The following ZBTB20 variants were observed in gnomAD, a reference collection of about 807,000 sequenced individuals.
ZBTB20 encodes the protein zinc finger and BTB domain containing 20.
In ZBTB20, 9 loss-of-function variants were observed where a neutral mutation model predicts 56.9. The ratio of observed to expected loss-of-function variants is 0.16; its 90% CI spans 0.10 to 0.28. The LOEUF (loss-of-function observed/expected upper bound fraction) is 0.28. ZBTB20 is among the 10% of genes least tolerant of loss of function. ZBTB20 has a pLI of 1.00. For synonymous variants in ZBTB20, 417 were observed against 420.7 expected, an observed-to-expected ratio of 0.99 and a Z score of 0.11; for missense variants, 655 against 1,003.0, an observed-to-expected ratio of 0.65 and a Z score of 4.69.
At chr3:114,386,905 T>C (rs2085206487) in intron 8 of ZBTB20, among the ~76,000 whole-genome samples, 1 of 152,178 alleles carries the variant, frequency 6.6e-6, no homozygotes, top group East Asian at 1.9e-4. Flanking sequence ...TTATGTCGAA[T>C]TGCCATTCAC....
chr3:114,984,012 T>C (rs911774610), intron 2 of ZBTB20, among the ~76,000 whole-genome samples: 1 of 151,964 alleles, frequency 6.6e-6, no homozygotes, highest in African/African-American at 2.4e-5. Flanking sequence ...CTCTCTGAAT[T>C]TACTTTTTTC....
rs2078873436 is a variant in ZBTB20, at chr3:114,320,978, A to T, written c.*18027T>A. 6.6e-6 allele frequency: 1 copy of T among 152,186 alleles called. No individual in the cohort carries two copies. The highest frequency in any genetic ancestry group is 2.1e-4 in the South Asian group (1 of 4,828). The allele number at this position is 152,186 out of a possible 1,614,324, so 9.4% of individuals were successfully genotyped here. On this transcript the variant is annotated 3_prime_UTR_variant, in exon 12 of 12. Transcript: ENST00000675478. The stretch of plus-strand genomic sequence containing the variant: ...TTCCACCTTTCCATAGCCTCACTTC[A>T]AGTTCAAATGGAAATGAAAACAAAA...
At chr3:114,491,214 T>A (rs2042716342) in intron 7 of ZBTB20, among the ~76,000 whole-genome samples, 1 of 152,180 alleles carries the variant, frequency 6.6e-6, no homozygotes, top group Non-Finnish European at 1.5e-5. Context: ...TGAAACCCTA[T>A]CCTAATTCAA....
At chr3:115,032,130 A>AT (rs1042557049) in intron 2 of ZBTB20, among the ~76,000 whole-genome samples, 13 of 150,626 alleles carry the variant, frequency 8.6e-5, no homozygotes, top group South Asian at 4.2e-4. Context: ...CTTTAAAAAT[A>AT]TTTTTTTTTC....
intron 1 of ZBTB20, among the ~76,000 whole-genome samples, chr3:115,099,202 A>C (rs1434927951): frequency 6.6e-6 from 1 of 152,174 alleles, no homozygotes; most frequent in Non-Finnish European, 1.5e-5. Context: ...ACAAAACTGA[A>C]TTTGAAATAA....
chr3:114,548,629 C>A (rs559580669), intron 6 of ZBTB20, among the ~76,000 whole-genome samples: 2 of 151,654 alleles, frequency 1.3e-5, no homozygotes, highest in African/African-American at 4.8e-5. Flanking sequence ...AGTGATTCTT[C>A]TGCCTCAGCC....
intron 1 of ZBTB20, among the ~76,000 whole-genome samples, chr3:115,117,920 T>C (rs1211359275): frequency 3.3e-5 from 5 of 152,174 alleles, no homozygotes; most frequent in Non-Finnish European, 7.3e-5. Context: ...TCTCTAGGTG[T>C]ATGGGAAGCA....
At chr3:114,906,963 C>G (rs1243056692) in intron 3 of ZBTB20, among the ~76,000 whole-genome samples, 3 of 151,766 alleles carry the variant, frequency 2.0e-5, no homozygotes, top group African/African-American at 7.2e-5. Flanking sequence ...GTCTTCCCCT[C>G]ATATAAATAA....
chr3:114,694,730 AG>A (rs1435244919), intron 5 of ZBTB20, among the ~76,000 whole-genome samples: 14 of 152,084 alleles, frequency 9.2e-5, no homozygotes, highest in Admixed American at 6.6e-5. Flanking sequence ...AAACTTAATG[AG>A]GATCACCAAA....
rs562968167 is a variant in ZBTB20 at position 114,325,519 on chromosome 3, T to G, written c.*13486A>C. The G allele has an allele frequency of 6.6e-6, 1 of 152,344 alleles. No individual in the cohort carries two copies. The highest frequency in any genetic ancestry group is 6.5e-5 in the Admixed American group (1 of 15,296). 9.4% of individuals were successfully genotyped at this position (152,344 alleles called of 1,614,324 possible). On this transcript the variant is annotated 3_prime_UTR_variant, in exon 12 of 12. Coordinates refer to ENST00000675478, the MANE Select transcript of ZBTB20 (RefSeq NM_001348800.3). ...ATTTCTCTAGAAGTGTTTGGCAGCA[T>G]GAAGAGAAATCTTTAATCACAAAGA...
At chr3:114,780,752 C>G (rs1056512961) in intron 5 of ZBTB20, among the ~76,000 whole-genome samples, 10 of 152,182 alleles carry the variant, frequency 6.6e-5, no homozygotes, top group African/African-American at 2.4e-4. Flanking sequence ...TCCCAAAGTG[C>G]TGGGATTACA....
intron 6 of ZBTB20, among the ~76,000 whole-genome samples, chr3:114,555,637 C>A (rs1041244087): frequency 1.3e-5 from 2 of 152,030 alleles, no homozygotes; most frequent in African/African-American, 4.8e-5. Flanking sequence ...AAGGTATCAC[C>A]ATTTATCACA....
chr3:114,947,453 G>A (rs913966011), intron 3 of ZBTB20, among the ~76,000 whole-genome samples: 2 of 146,094 alleles, frequency 1.4e-5, no homozygotes, highest in Non-Finnish European at 3.0e-5. Flanking sequence ...AAATATATAT[G>A]TAATAGGATA....
intron 2 of ZBTB20, among the ~76,000 whole-genome samples, chr3:115,020,642 A>G (rs2080166392): frequency 6.6e-6 from 1 of 150,946 alleles, no homozygotes; most frequent in African/African-American, 2.4e-5. Context: ...ACTTTATTGT[A>G]CTGTACTCAT....
chr3:114,676,526 T>C (rs2061636285), intron 6 of ZBTB20, among the ~76,000 whole-genome samples: 1 of 152,152 alleles, frequency 6.6e-6, no homozygotes, highest in Non-Finnish European at 1.5e-5. Flanking sequence ...ATTGTGAATA[T>C]GAATCTTTTT....
chr3:114,696,351 C>T (rs1470635895), intron 5 of ZBTB20, among the ~76,000 whole-genome samples: 2 of 152,108 alleles, frequency 1.3e-5, no homozygotes, highest in East Asian at 1.9e-4. Context: ...GGAGATCAAG[C>T]GCTTCAATAG....
chr3:114,539,162 C>T (rs2048825662), intron 6 of ZBTB20, among the ~76,000 whole-genome samples: 1 of 152,056 alleles, frequency 6.6e-6, no homozygotes, highest in African/African-American at 2.4e-5. Context: ...TCTTTCCTAG[C>T]TTTAGAAGAT....
At chr3:114,612,926 G>A (rs1305307406) in intron 6 of ZBTB20, among the ~76,000 whole-genome samples, 1 of 152,130 alleles carries the variant, frequency 6.6e-6, no homozygotes, top group Non-Finnish European at 1.5e-5. Flanking sequence ...ATTGATATAT[G>A]TGTATTTTCT....
chr3:114,398,255 G>C (rs950524767), intron 7 of ZBTB20, among the ~76,000 whole-genome samples: 2 of 152,070 alleles, frequency 1.3e-5, no homozygotes, highest in Admixed American at 1.3e-4. Flanking sequence ...TATTAGCGAG[G>C]GTGTACATCC....
Sources: gnomAD v4.1 joint callset for allele counts (sites outside exome capture counted in the v4.1 genomes callset) on GRCh38, gnomAD v4.1.1 for gene constraint, MANE v1.5 for transcripts, NCBI Gene and HGNC (gene_info 2026-07-23, HGNC 2026-07-21) for gene names.